FBN1: variants seen among roughly 807,000 people sequenced by gnomAD.
FBN1 encodes fibrillin 1.
FBN1 carries 29 observed loss-of-function variants against 365.1 expected under a neutral mutation model. The observed-to-expected ratio is 0.08, with a 90% CI of 0.06 to 0.11. FBN1 has a LOEUF of 0.11. FBN1 is among the 10% of genes least tolerant of loss of function. The pLI, the probability that FBN1 is intolerant of heterozygous loss-of-function variation, is 1.00. For missense variants in FBN1, 2,476 were observed against 3,703.2 expected (o/e 0.67, Z 8.60); for synonymous variants, 1,210 against 1,270.5 (o/e 0.95, Z 1.01).
At chr15:48,543,097 T>C (rs1315613486) in intron 6 of FBN1, among the ~76,000 whole-genome samples, 1 of 152,196 alleles carries the variant, frequency 6.6e-6, no homozygotes, top group Non-Finnish European at 1.5e-5. Context: ...AATTATATTA[T>C]AGTTAATTAT....
At chr15:48,499,150 TG>T in intron 17 of FBN1, 112 bp from the exon 18 acceptor site, 2 of 1,072,970 alleles carry the variant, frequency 1.9e-6, no homozygotes, top group Non-Finnish European at 2.9e-6. Flanking sequence ...CAAACTTAAG[TG>T]GTAACGGAAA....
At chr15:48,435,174 G>A (rs894187250) in intron 53 of FBN1, among the ~76,000 whole-genome samples, 1 of 152,086 alleles carries the variant, frequency 6.6e-6, no homozygotes, top group Non-Finnish European at 1.5e-5. Flanking sequence ...GTTTATAGCC[G>A]TGAAATTCGA....
intron 63 of FBN1, among the ~76,000 whole-genome samples, chr15:48,419,106 A>T (rs2042921373): frequency 6.6e-6 from 1 of 152,200 alleles, no homozygotes; most frequent in Non-Finnish European, 1.5e-5. Context: ...ATTTTAGCCC[A>T]CGGCAATGCT....
chr15:48,540,645 C>CTA (rs1469306734), intron 6 of FBN1, among the ~76,000 whole-genome samples: 3 of 152,060 alleles, frequency 2.0e-5, no homozygotes, highest in East Asian at 1.9e-4. Context: ...ATTTTTATGA[C>CTA]TATATATATC....
rs114387380 is a variant in FBN1, at chr15:48,438,383, T to C, written c.6164-466A>G. The stretch of plus-strand genomic sequence containing the variant: ...TGATATCACACTTTGTGGTTTATTC[T>C]GTGTCCCCTAAACTCTGGAACTAAA... On this transcript the variant is annotated intron_variant, in intron 50 of 65. Coordinates refer to ENST00000316623, the MANE Select transcript of FBN1 (RefSeq NM_000138.5). Among the ~76,000 whole-genome samples, 742 of 152,290 alleles carry C rather than the reference T, an allele frequency of 4.9e-3. 7 individuals are homozygous for C. The highest frequency in any genetic ancestry group is 0.017 in the African/African-American group (707 of 41,550).
chr15:48,579,815 T>G (rs1412255630), intron 6 of FBN1, among the ~76,000 whole-genome samples: 3 of 152,214 alleles, frequency 2.0e-5, no homozygotes, highest in Non-Finnish European at 4.4e-5. Context: ...TAGATTCAAT[T>G]AATCTAAACT....
chr15:48,602,845 T>C (rs189149794), intron 4 of FBN1, among the ~76,000 whole-genome samples: 12 of 152,218 alleles, frequency 7.9e-5, no homozygotes, highest in African/African-American at 2.2e-4. Flanking sequence ...TGCTTTAAAT[T>C]TGAAGTTAAA....
intron 6 of FBN1, among the ~76,000 whole-genome samples, chr15:48,560,204 A>G (rs376256259): frequency 3.9e-5 from 6 of 152,326 alleles, no homozygotes; most frequent in Admixed American, 3.3e-4. Flanking sequence ...CATGAGACAA[A>G]GCGCACACAC....
chr15:48,446,890 G>T (rs1555395853), intron 46 of FBN1, 68 bp from the exon 47 acceptor site: 15 of 1,062,418 alleles, frequency 1.4e-5, no homozygotes, highest in Non-Finnish European at 2.0e-5. Context: ...GGTTACAGTG[G>T]CTAAAGAGCA....
chr15:48,427,453 G>T, intron 58 of FBN1, 114 bp downstream of exon 58: 3 of 1,106,230 alleles, frequency 2.7e-6, no homozygotes, highest in Non-Finnish European at 4.0e-6. Flanking sequence ...GTTGGCCTCA[G>T]CTGTGCAATT....
chr15:48,642,235 C>T (rs1245290932), intron 2 of FBN1: 1 of 152,152 alleles, frequency 6.6e-6, no homozygotes, highest in Non-Finnish European at 1.5e-5. Context: ...AAAAATTAGC[C>T]GGGCTTGGTG....
intron 6 of FBN1, among the ~76,000 whole-genome samples, chr15:48,541,075 T>G (rs948095949): frequency 6.6e-6 from 1 of 152,056 alleles, no homozygotes; most frequent in African/African-American, 2.4e-5. Context: ...ATTCATAACT[T>G]CACATGTGAA....
At chr15:48,418,837 T>C (rs917375320) in intron 63 of FBN1, among the ~76,000 whole-genome samples, 1 of 152,230 alleles carries the variant, frequency 6.6e-6, no homozygotes, top group African/African-American at 2.4e-5. Flanking sequence ...GCACTGTTCA[T>C]GTTAGCTGTG....
chr15:48,531,256 G>A (rs1033323237), intron 8 of FBN1, among the ~76,000 whole-genome samples: 6 of 151,676 alleles, frequency 4.0e-5, no homozygotes, highest in Admixed American at 2.0e-4. Context: ...ACACTTTTCC[G>A]TAACATTTCT....
chr15:48,495,611 T>A, intron 20 of FBN1, 23 bp from the exon 21 acceptor site: 1 of 1,614,032 alleles, frequency 6.2e-7, no homozygotes, highest in Non-Finnish European at 8.5e-7. Flanking sequence ...CAGGTCTACA[T>A]TACTGCTAAA....
chr15:48,537,949 T>A, intron 6 of FBN1, 141 bp from the exon 7 acceptor site: 1 of 884,178 alleles, frequency 1.1e-6, no homozygotes, highest in East Asian at 2.6e-5. Flanking sequence ...TGTCCCTGTG[T>A]AAGGCCTTGG....
chr15:48,430,203 G>A (rs2043013581), intron 56 of FBN1, among the ~76,000 whole-genome samples: 1 of 152,162 alleles, frequency 6.6e-6, no homozygotes, highest in Non-Finnish European at 1.5e-5. Flanking sequence ...CAGCTGAGGA[G>A]CTTTAAAAAA....
At chr15:48,561,222 C>T (rs2044220190) in intron 6 of FBN1, among the ~76,000 whole-genome samples, 1 of 152,122 alleles carries the variant, frequency 6.6e-6, no homozygotes, top group African/African-American at 2.4e-5. Context: ...GCAGTCTTTC[C>T]CTTCCTGGCT....
At chr15:48,437,627 A>G in intron 51 of FBN1, 141 bp downstream of exon 51, 1 of 1,020,352 alleles carries the variant, frequency 9.8e-7, no homozygotes, top group East Asian at 2.6e-5. Context: ...TCCTGAGATA[A>G]AATAATTTTT....
Sources: gnomAD v4.1 joint callset for allele counts (sites outside exome capture counted in the v4.1 genomes callset) on GRCh38, gnomAD v4.1.1 for gene constraint, MANE v1.5 for transcripts, NCBI Gene and HGNC (gene_info 2026-07-23, HGNC 2026-07-21) for gene names.